Variants in EPRS1 observed in about 807,000 individuals in gnomAD.
The protein encoded by EPRS1 is bifunctional glutamate/proline--tRNA ligase.
Under a neutral mutation model 188.3 loss-of-function variants are expected in EPRS1, and 107 were observed. That is an observed-to-expected ratio of 0.57 (90% CI 0.49 to 0.67). The LOEUF (loss-of-function observed/expected upper bound fraction) is 0.67, where lower values mean the gene tolerates loss of function less well. Among genes scored for constraint, EPRS1 ranks in the 30% least tolerant of loss-of-function variants. EPRS1 has a pLI of 0.00. For missense variants in EPRS1, 1,577 were observed against 1,802.2 expected, an observed-to-expected ratio of 0.88 and a Z score of 2.26; for synonymous variants, 596 against 593.1, an observed-to-expected ratio of 1.00 and a Z score of -0.07.
rs145576996 is a variant in EPRS1 at position 220,010,901 on chromosome 1, T to C, written c.1605+45A>G. 1,284 of 1,122,160 alleles carry C rather than the reference T, an allele frequency of 1.1e-3. 17 individuals carry two copies. The African/African-American group carries it at 0.017, about 15-fold the overall frequency. The allele number at this position is 1,122,160 out of a possible 1,614,324, so 69.5% of individuals were successfully genotyped here. On this transcript the variant is annotated intron_variant, in intron 13 of 31. Transcript: ENST00000366923. ...CATTTTCCTTTTTATTTCCTGCTCC[T>C]TCTTTTAACAGAGAGAAACACATTG...
At chr1:220,007,649 T>C (rs1661517337) in intron 13 of EPRS1, among the ~76,000 whole-genome samples, 2 of 152,226 alleles carry the variant, frequency 1.3e-5, no homozygotes, top group South Asian at 4.1e-4. Flanking sequence ...TTAATGGAAT[T>C]AGATGAGGTA....
At chr1:219,975,611 A>G (rs1660761316) in intron 28 of EPRS1, among the ~76,000 whole-genome samples, 1 of 151,980 alleles carries the variant, frequency 6.6e-6, no homozygotes, top group Non-Finnish European at 1.5e-5. Context: ...TAATTTTTCT[A>G]TTTTTAGCAG....
chr1:220,034,349 C>T (rs992854770), intron 3 of EPRS1, among the ~76,000 whole-genome samples: 1 of 152,118 alleles, frequency 6.6e-6, no homozygotes, highest in African/African-American at 2.4e-5. Flanking sequence ...GGGTAGTAGG[C>T]TATCCCCTTT....
In EPRS1 at chr1:219,978,819, G is replaced by C. The variant is rs182693708; in HGVS notation, c.3910-100C>G. 3 of 798,270 alleles carry C rather than the reference G, an allele frequency of 3.8e-6. No individual in the cohort carries two copies. In the East Asian group the frequency reaches 7.8e-5, roughly 21 times the overall value. The allele number at this position is 798,270 out of a possible 1,614,324, so 49.4% of individuals were successfully genotyped here. ...CTACCAGTGGCTATATTATTAACAC[G>C]AATCAGCTGTGTGATTTCTAATCTT... On this transcript the variant is annotated intron_variant, in intron 27 of 31. Transcript: ENST00000366923.
intron 15 of EPRS1, among the ~76,000 whole-genome samples, chr1:220,005,808 A>T (rs1299275199): frequency 1.4e-5 from 2 of 146,424 alleles, no homozygotes; most frequent in African/African-American, 5.1e-5. Flanking sequence ...TGGAAACATT[A>T]CTTACATCGT....
At chr1:220,046,156 T>C (rs1662398096) in intron 1 of EPRS1, among the ~76,000 whole-genome samples, 187 bp downstream of exon 1, 1 of 152,146 alleles carries the variant, frequency 6.6e-6, no homozygotes, top group Non-Finnish European at 1.5e-5. Flanking sequence ...CAGGAGCAGA[T>C]GCACCTGCCG....
chr1:220,018,289 G>A (rs1274480279), intron 12 of EPRS1, 160 bp downstream of exon 12: 15 of 882,224 alleles, frequency 1.7e-5, no homozygotes, highest in East Asian at 8.1e-5. Flanking sequence ...AATGCTCTTC[G>A]TGTATTTAAA....
chr1:219,973,447 G>T, intron 28 of EPRS1, 49 bp from the exon 29 acceptor site: 2 of 1,290,990 alleles, frequency 1.5e-6, no homozygotes, highest in Non-Finnish European at 2.1e-6. Context: ...GTCTCCAGTT[G>T]AATATACAGA....
At chr1:220,003,713 C>T (rs555803442) in intron 16 of EPRS1, among the ~76,000 whole-genome samples, 1 of 152,160 alleles carries the variant, frequency 6.6e-6, no homozygotes, top group Non-Finnish European at 1.5e-5. Context: ...GGTGGTACCA[C>T]CACCATTACT....
rs757107251 is a variant in EPRS1, at chr1:219,984,251, A to T, written c.3045T>A (p.Gly1015=). Reference sequence around the variant, plus strand: ...GATTTTCTTCTTTTTTTGCCTCAAGACCCAACCTGCAGATGTGAAAAGTAA... The same window carrying T: ...GATTTTCTTCTTTTTTTGCCTCAAGTCCCAACCTGCAGATGTGAAAAGTAA... ...GQGPKKQTRL[G]LEAKKEENLA... The change falls in exon 21 of 32, where the codon GGT becomes GGA. Residue 1015 remains glycine, a synonymous_variant. Transcript: ENST00000366923. 2.5e-6 allele frequency: 4 copies of T among 1,612,276 alleles called. No individual in the cohort carries two copies. The South Asian group carries it at 3.3e-5, about 13-fold the overall frequency.
At chr1:220,000,879 G>C (rs1044672844) in intron 17 of EPRS1, among the ~76,000 whole-genome samples, 5 of 152,306 alleles carry the variant, frequency 3.3e-5, no homozygotes, top group African/African-American at 1.2e-4. Context: ...TGCTCAGGAG[G>C]CTGAGGCATG....
chr1:220,040,508 TAG>T (rs896122050), intron 1 of EPRS1, among the ~76,000 whole-genome samples: 1 of 152,200 alleles, frequency 6.6e-6, no homozygotes, highest in African/African-American at 2.4e-5. Context: ...AGCTTTCAGT[TAG>T]AGACACTGAA....
chr1:219,987,497 C>T, intron 19 of EPRS1, 93 bp from the exon 20 acceptor site: 6 of 1,086,578 alleles, frequency 5.5e-6, no homozygotes, highest in Non-Finnish European at 7.8e-6. Flanking sequence ...TCAAAGCTTT[C>T]TTTTTTCCGC....
At chr1:220,032,144 G>T (rs923839822) in intron 5 of EPRS1, among the ~76,000 whole-genome samples, 1 of 151,408 alleles carries the variant, frequency 6.6e-6, no homozygotes, top group Non-Finnish European at 1.5e-5. Flanking sequence ...GCGCGATCTC[G>T]GCTCACTGCA....
chr1:220,006,724 A>G (rs912605016), intron 14 of EPRS1, among the ~76,000 whole-genome samples: 14 of 152,220 alleles, frequency 9.2e-5, no homozygotes, highest in Non-Finnish European at 1.9e-4. Flanking sequence ...GAGTTTGCAT[A>G]AATCAGTCTT....
At position 219,980,760 on chromosome 1, in the gene EPRS1, T is replaced by G. The variant is rs1312197898; in HGVS notation, c.3551A>C (p.Glu1184Ala). ...SAFATMEEAA[E>A]EVLQILDLYA... is the part of the protein sequence containing the mutation. The stretch of plus-strand genomic sequence containing the variant: ...ATGGAAAATAACTTTTTATACCTCT[T>G]CCGCTGCCTCTTCCATGGTAGCAAA... The change falls in exon 25 of 32, where the codon GAA becomes GCA. Residue 1184 changes from glutamate to alanine, a missense_variant. By Grantham distance (107) the Glu-to-Ala change is moderately radical (BLOSUM62 -1). This residue lies in a region of EPRS1 where 1,278 missense variants were observed against 1,457.4 expected (regional missense o/e 0.88). Coordinates refer to ENST00000366923, the MANE Select transcript of EPRS1 (RefSeq NM_004446.3). 3.1e-6 allele frequency: 5 copies of G among 1,605,700 alleles called. No individual in the cohort carries two copies. Among genetic ancestry groups the G allele is most frequent in the Non-Finnish European group, 4.3e-6 (5 of 1,173,462 alleles).
chr1:220,031,438 T>G (rs995772906), intron 5 of EPRS1, among the ~76,000 whole-genome samples: 1 of 152,090 alleles, frequency 6.6e-6, no homozygotes, highest in Admixed American at 6.5e-5. Flanking sequence ...CTCAACAAAG[T>G]GCAGTAGCAC....
At chr1:220,030,840 C>T (rs959614488) in intron 5 of EPRS1, among the ~76,000 whole-genome samples, 8 of 151,898 alleles carry the variant, frequency 5.3e-5, no homozygotes, top group Non-Finnish European at 8.8e-5. Context: ...GCCTGTAATC[C>T]CAGCACTTTG....
intron 5 of EPRS1, among the ~76,000 whole-genome samples, chr1:220,030,725 G>A (rs1051430196): frequency 2.6e-4 from 40 of 152,116 alleles, no homozygotes; most frequent in African/African-American, 9.7e-4. Context: ...CAATACCTAG[G>A]TTTATCAGGA....
Sources: gnomAD v4.1 joint callset for allele counts (sites outside exome capture counted in the v4.1 genomes callset) on GRCh38, gnomAD v4.1.1 for gene constraint, gnomAD v4.1.1 regional missense constraint, MANE v1.5 for transcripts, NCBI Gene and HGNC (gene_info 2026-07-23, HGNC 2026-07-21) for gene names.